Variants in ZMYM6 observed in about 807,000 individuals in gnomAD.
ZMYM6 encodes zinc finger MYM-type protein 6.
Under a neutral mutation model 134.0 loss-of-function variants are expected in ZMYM6, and 90 were observed. That is an observed-to-expected ratio of 0.67 (90% CI 0.57 to 0.80). The LOEUF is 0.80. Among genes scored for constraint, ZMYM6 ranks in the 30% least tolerant of loss-of-function variants. The probability of loss-of-function intolerance (pLI) is 0.00; values close to 1 mark genes in which losing one functional copy is unlikely to be tolerated. For missense variants in ZMYM6, 1,362 were observed against 1,533.9 expected (o/e 0.89, Z 1.87); for synonymous variants, 481 against 524.1 (o/e 0.92, Z 1.12).
chr1:35,029,696 C>T (rs1209152494), intron 2 of ZMYM6, among the ~76,000 whole-genome samples: 1 of 152,160 alleles, frequency 6.6e-6, no homozygotes, highest in East Asian at 1.9e-4. Context: ...ACAGTTCCCT[C>T]TGTCTGTAAT....
rs535309741 is a variant in ZMYM6 at position 35,019,211 on chromosome 1, T to C, written c.428+142A>G. 1.2e-4 allele frequency: 151 copies of C among 1,239,856 alleles called. 1 individual carries two copies. Among genetic ancestry groups the C allele is most frequent in the Admixed American group, 2.7e-5 (1 of 37,466 alleles). 76.8% of individuals were successfully genotyped at this position (1,239,856 alleles called of 1,614,324 possible). A position where few individuals can be genotyped will look rare whatever the true frequency, so the allele number is the denominator to read the frequency against. ...TATTTAATGTTGCAAAACTTTAAAATTGGTGAATTCTTCCATTAACTAAAA... is the reference window on the plus strand; with the variant it reads ...TATTTAATGTTGCAAAACTTTAAAACTGGTGAATTCTTCCATTAACTAAAA... On this transcript the variant is annotated intron_variant, in intron 4 of 15. Transcript: ENST00000357182.
At chr1:35,030,067 G>C (rs773306035) in intron 2 of ZMYM6, 6 of 153,422 alleles carry the variant, frequency 3.9e-5, no homozygotes, top group Non-Finnish European at 7.2e-5. Context: ...GACAAGTATG[G>C]AAAAATGGTA....
intron 14 of ZMYM6, among the ~76,000 whole-genome samples, chr1:34,993,590 T>C (rs748151558): frequency 6.6e-6 from 1 of 152,232 alleles, no homozygotes; most frequent in Non-Finnish European, 1.5e-5. Context: ...CTTTGCCATG[T>C]AATGTAACAT....
rs1640992486 is a variant in ZMYM6, at chr1:35,007,021, G to A, written c.1743C>T (p.Phe581=). The change falls in exon 12 of 16, where the codon TTC becomes TTT. Residue 581 remains phenylalanine (F), a synonymous_variant. Coordinates refer to ENST00000357182, the MANE Select transcript of ZMYM6 (RefSeq NM_007167.4). ...SIKWRGNIKH[F]CNLFCVLEFC... is the part of the protein sequence containing the mutation. ...ACTCCAAGACACAAAATAGGTTACA[G>A]AAATGTTTAATGTTGCCTCGCCACT... 1 of 1,613,700 alleles carries A rather than the reference G, an allele frequency of 6.2e-7. No homozygotes were observed. Among genetic ancestry groups the A allele is most frequent in the Non-Finnish European group, 8.5e-7 (1 of 1,179,850 alleles).
intron 14 of ZMYM6, among the ~76,000 whole-genome samples, chr1:34,995,445 T>A (rs1030362343): frequency 1.3e-5 from 2 of 151,836 alleles, no homozygotes; most frequent in African/African-American, 4.8e-5. Flanking sequence ...TATGATAAAG[T>A]TTTATTTATA....
chr1:35,010,635 C>T, intron 9 of ZMYM6, 38 bp from the exon 10 acceptor site: 1 of 1,573,096 alleles, frequency 6.4e-7, no homozygotes, highest in Non-Finnish European at 8.6e-7. Context: ...GCCAACTAAA[C>T]AGTTGCTTTA....
chr1:34,986,994 A>T lies in ZMYM6; in HGVS notation c.*110T>A, dbSNP rs1370485374. ...CAACAAAAAGGGAAAAATTATTAAA[A>T]CATTTAATCACTGAAAACACAAATC... is the stretch of plus-strand genomic sequence containing the variant. On this transcript the variant is annotated 3_prime_UTR_variant, in exon 16 of 16. Coordinates refer to ENST00000357182, the MANE Select transcript of ZMYM6 (RefSeq NM_007167.4). 1.4e-6 allele frequency: 1 copy of T among 719,418 alleles called. No individual in the cohort carries two copies. The highest frequency in any genetic ancestry group is 3.0e-5 in the East Asian group (1 of 33,824). 44.6% of individuals were successfully genotyped at this position (719,418 alleles called of 1,614,324 possible).
At chr1:35,024,765 G>C (rs552441666) in intron 2 of ZMYM6, among the ~76,000 whole-genome samples, 26 of 152,122 alleles carry the variant, frequency 1.7e-4, no homozygotes, top group African/African-American at 6.3e-4. Flanking sequence ...ATTGCTACCT[G>C]CTATGTGAAA....
At chr1:35,024,326 T>C (rs900661159) in intron 2 of ZMYM6, among the ~76,000 whole-genome samples, 20 of 152,248 alleles carry the variant, frequency 1.3e-4, no homozygotes, top group African/African-American at 4.8e-4. Flanking sequence ...CCTGGCATCC[T>C]GTATTTTATC....
intron 14 of ZMYM6, among the ~76,000 whole-genome samples, chr1:35,003,507 T>G (rs1640915496): frequency 6.6e-6 from 1 of 152,214 alleles, no homozygotes; most frequent in Non-Finnish European, 1.5e-5. Context: ...CACTGAACTT[T>G]CAAAACTTAA....
At chr1:35,009,359 C>T (rs1371328988) in intron 10 of ZMYM6, among the ~76,000 whole-genome samples, 1 of 152,180 alleles carries the variant, frequency 6.6e-6, no homozygotes, top group Non-Finnish European at 1.5e-5. Flanking sequence ...CTCGCCTTGG[C>T]CTCCCAAAGT....
At chr1:35,007,592 G>C (rs74776952) in intron 11 of ZMYM6, among the ~76,000 whole-genome samples, 10 of 137,086 alleles carry the variant, frequency 7.3e-5, no homozygotes, top group Non-Finnish European at 1.3e-4. Context: ...TGTCTCAATA[G>C]AAAAAAAAAA....
intron 2 of ZMYM6, among the ~76,000 whole-genome samples, chr1:35,023,812 C>T (rs1328810056): frequency 1.9e-4 from 29 of 151,730 alleles, no homozygotes; most frequent in African/African-American, 6.8e-4. Context: ...TTAGTAGAGA[C>T]GGGGTTTCAC....
At chr1:35,009,293 G>A (rs1641041668) in intron 10 of ZMYM6, among the ~76,000 whole-genome samples, 1 of 152,078 alleles carries the variant, frequency 6.6e-6, no homozygotes, top group Admixed American at 6.6e-5. Context: ...TAGTAGAGAT[G>A]GCATTTCGCC....
At chr1:35,020,916 C>T (rs1330095213) in intron 2 of ZMYM6, among the ~76,000 whole-genome samples, 1 of 151,718 alleles carries the variant, frequency 6.6e-6, no homozygotes, top group Admixed American at 6.6e-5. Context: ...TTCACAAGCA[C>T]CTCAAAAGTC....
chr1:34,998,040 G>C (rs918958104), intron 14 of ZMYM6, among the ~76,000 whole-genome samples: 2 of 152,014 alleles, frequency 1.3e-5, no homozygotes, highest in African/African-American at 4.8e-5. Context: ...CAGCACTTTG[G>C]GACACCGAGG....
chr1:34,987,188 A>AT lies in ZMYM6; in HGVS notation c.3893dup (p.Asn1298LysfsTer48). ...TTAGGGCAGGGCCAGAACCCAACAG[A>AT]TTTTTTTGTTTTGACTCAGTCAAAG... On this transcript the variant is annotated frameshift_variant, in exon 16 of 16. Coordinates refer to ENST00000357182, the MANE Select transcript of ZMYM6 (RefSeq NM_007167.4). LOFTEE classifies it high-confidence loss of function. 1 of 1,612,666 alleles carries AT rather than the reference A, an allele frequency of 6.2e-7. No individual in the cohort carries two copies. The highest frequency in any genetic ancestry group is 8.5e-7 in the Non-Finnish European group (1 of 1,179,532).
chr1:35,015,245 T>A, intron 4 of ZMYM6, 83 bp from the exon 5 acceptor site: 1 of 1,306,926 alleles, frequency 7.7e-7, no homozygotes, highest in Non-Finnish European at 1.0e-6. Flanking sequence ...AAATAACACT[T>A]ACTAAGGGCA....
chr1:35,010,717 G>A, intron 9 of ZMYM6, 41 bp downstream of exon 9: 7 of 1,537,842 alleles, frequency 4.6e-6, no homozygotes, highest in Non-Finnish European at 6.1e-6. Context: ...TGTTTCTACT[G>A]GATGAGTTTA....
Sources: gnomAD v4.1 joint callset for allele counts (sites outside exome capture counted in the v4.1 genomes callset) on GRCh38, gnomAD v4.1.1 for gene constraint, MANE v1.5 for transcripts, NCBI Gene and HGNC (gene_info 2026-07-23, HGNC 2026-07-21) for gene names.